Variants in GPD2 observed in about 807,000 individuals in gnomAD.
GPD2 encodes the protein glycerol-3-phosphate dehydrogenase, mitochondrial.
Under a neutral mutation model 82.4 loss-of-function variants are expected in GPD2, and 54 were observed. The observed-to-expected ratio is 0.66, with a 90% CI of 0.53 to 0.82. The LOEUF is 0.82. Ranked by LOEUF, GPD2 falls within the 40% of genes least tolerant of loss-of-function variation. The probability of loss-of-function intolerance (pLI) is 0.00; values close to 1 mark genes in which losing one functional copy is unlikely to be tolerated. For missense variants in GPD2, 748 were observed against 896.2 expected (o/e 0.83, Z 2.11); for synonymous variants, 288 against 306.1 (o/e 0.94, Z 0.62).
chr2:156,425,735 C>G, the GPD2 span, among the ~76,000 whole-genome samples: 1 of 152,148 alleles, frequency 6.6e-6, no homozygotes, highest in East Asian at 1.9e-4. Flanking sequence ...TCCAATTTGC[C>G]ACAGACCCCA....
At chr2:156,518,245 T>C (rs2105282770) in intron 6 of GPD2, among the ~76,000 whole-genome samples, 1 of 152,326 alleles carries the variant, frequency 6.6e-6, no homozygotes, top group East Asian at 1.9e-4. Context: ...TTCACGGTCC[T>C]GCCCCCACCC....
intron 6 of GPD2, among the ~76,000 whole-genome samples, chr2:156,546,178 C>A (rs986249416): frequency 4.6e-5 from 7 of 152,116 alleles, no homozygotes; most frequent in Non-Finnish European, 2.9e-5. Flanking sequence ...TCACAGTTCC[C>A]GTCTGGGTCC....
chr2:156,513,376 G>A lies in GPD2; in HGVS notation c.541G>A (p.Asp181Asn), dbSNP rs1183591170. The A allele has an allele frequency of 6.2e-7, 1 of 1,612,272 alleles. No individual in the cohort carries two copies. Among genetic ancestry groups the A allele is most frequent in the Non-Finnish European group, 8.5e-7 (1 of 1,179,236 alleles). Residue 181 changes from aspartate to asparagine, a missense_variant, in exon 6 of 17, where the codon GAT (aspartate) becomes AAT (asparagine). Transcript: ENST00000438166. ...CTACTGGGTAGGAATCAAGCTGTAT[G>A]ATTTGGTTGCAGGAAGCAATTGCCT... ...PYYWVGIKLY[D>N]LVAGSNCLKS...
chr2:156,498,087 A>G (rs918600252), intron 3 of GPD2, among the ~76,000 whole-genome samples: 2 of 152,206 alleles, frequency 1.3e-5, no homozygotes, highest in Non-Finnish European at 2.9e-5. Context: ...TTTCCCCAGT[A>G]GGATTCAGGA....
intron 16 of GPD2, among the ~76,000 whole-genome samples, chr2:156,582,504 C>G (rs926705030): frequency 7.1e-6 from 1 of 140,288 alleles, no homozygotes; most frequent in African/African-American, 2.6e-5. Context: ...AAAAAAAGTG[C>G]CTTGAGCACA....
At chr2:156,450,836 G>A (rs1282589646) in intron 1 of GPD2, among the ~76,000 whole-genome samples, 10 of 126,942 alleles carry the variant, frequency 7.9e-5, no homozygotes, top group African/African-American at 2.4e-4. Context: ...GTGTCCCTGG[G>A]TACTTGAGAT....
intron 9 of GPD2, among the ~76,000 whole-genome samples, chr2:156,560,045 A>T (rs1687111511): frequency 6.6e-6 from 1 of 152,252 alleles, no homozygotes; most frequent in Admixed American, 6.5e-5. Flanking sequence ...GGAGCAAGAT[A>T]TAAAATTAAT....
intron 1 of GPD2, among the ~76,000 whole-genome samples, chr2:156,459,318 C>G (rs1305285487): frequency 6.6e-6 from 1 of 151,900 alleles, no homozygotes; most frequent in Non-Finnish European, 1.5e-5. Flanking sequence ...GCCTACTGTC[C>G]GGTTTAGGTG....
chr2:156,578,073 A>G (rs1407178348), intron 13 of GPD2, among the ~76,000 whole-genome samples: 3 of 152,224 alleles, frequency 2.0e-5, no homozygotes, highest in African/African-American at 2.4e-5. Flanking sequence ...TGAACAATAT[A>G]TGCTACAATA....
chr2:156,526,273 T>C (rs1685603523), intron 6 of GPD2, among the ~76,000 whole-genome samples: 1 of 152,206 alleles, frequency 6.6e-6, no homozygotes, highest in Non-Finnish European at 1.5e-5. Context: ...TTTCCTTTCT[T>C]TGGATACCAC....
the GPD2 span, among the ~76,000 whole-genome samples, chr2:156,410,075 T>C: frequency 3.9e-5 from 6 of 152,234 alleles, no homozygotes; most frequent in Non-Finnish European, 8.8e-5. Context: ...GGCTTATAGA[T>C]GATAAAAGTA....
At chr2:156,518,659 A>G (rs1346083312) in intron 6 of GPD2, among the ~76,000 whole-genome samples, 1 of 152,212 alleles carries the variant, frequency 6.6e-6, no homozygotes, top group Non-Finnish European at 1.5e-5. Flanking sequence ...CAGTATCACA[A>G]AAGTGATTTT....
chr2:156,527,809 A>G (rs1022922865), intron 6 of GPD2, among the ~76,000 whole-genome samples: 4 of 152,138 alleles, frequency 2.6e-5, no homozygotes, highest in Non-Finnish European at 4.4e-5. Context: ...CAGAAACTTC[A>G]TATTTCCCAG....
the GPD2 span, among the ~76,000 whole-genome samples, chr2:156,411,160 A>T: frequency 6.6e-6 from 1 of 152,226 alleles, no homozygotes; most frequent in South Asian, 2.1e-4. Context: ...GGGGGTAAGT[A>T]GCTTATTTAA....
At chr2:156,554,607 A>G (rs921711458) in intron 8 of GPD2, among the ~76,000 whole-genome samples, 3 of 152,208 alleles carry the variant, frequency 2.0e-5, no homozygotes, top group Non-Finnish European at 4.4e-5. Flanking sequence ...ATTTCGGAAA[A>G]CACAACACAG....
intron 2 of GPD2, among the ~76,000 whole-genome samples, chr2:156,487,723 A>G (rs1362469928): frequency 6.6e-6 from 1 of 152,118 alleles, no homozygotes; most frequent in East Asian, 1.9e-4. Context: ...TTCCTTCTCT[A>G]TCTACCCCAA....
chr2:156,412,483 C>G, the GPD2 span, among the ~76,000 whole-genome samples: 2 of 150,898 alleles, frequency 1.3e-5, no homozygotes, highest in Non-Finnish European at 2.9e-5. Flanking sequence ...GCCAAGGTTT[C>G]AATTCCATCT....
intron 16 of GPD2, 98 bp downstream of exon 16, chr2:156,579,886 A>G (rs1244651449): frequency 5.5e-6 from 4 of 728,786 alleles, no homozygotes; most frequent in East Asian, 2.7e-5. Context: ...AGTCCACACA[A>G]TTGTCAGATT....
chr2:156,461,161 CTTTTT>C (rs70987039), intron 1 of GPD2, among the ~76,000 whole-genome samples: 6 of 106,470 alleles, frequency 5.6e-5, no homozygotes, highest in African/African-American at 2.0e-4. Flanking sequence ...CTCTCTATCT[CTTTTT>C]TTTTTTTTTT....
Sources: allele counts gnomAD v4.1 joint callset (sites outside exome capture counted in the v4.1 genomes callset), GRCh38; gene constraint gnomAD v4.1.1; transcripts MANE v1.5; gene names NCBI Gene and HGNC (gene_info 2026-07-23, HGNC 2026-07-21).